DISC1: variants seen among roughly 807,000 people sequenced by gnomAD.
DISC1 encodes DISC1 scaffold protein.
Under a neutral mutation model 84.5 loss-of-function variants are expected in DISC1, and 57 were observed. That is an observed-to-expected ratio of 0.67 (90% CI 0.55 to 0.84). The LOEUF (loss-of-function observed/expected upper bound fraction) is 0.84, where lower values mean the gene tolerates loss of function less well. Among genes scored for constraint, DISC1 ranks in the 40% least tolerant of loss-of-function variants. The pLI is 0.00. For synonymous variants in DISC1, 411 were observed against 415.2 expected (o/e 0.99, Z 0.12); for missense variants, 1,000 against 1,057.8 (o/e 0.95, Z 0.76).
chr1:231,965,797 C>T (rs1661023416), intron 10 of DISC1, among the ~76,000 whole-genome samples: 1 of 152,244 alleles, frequency 6.6e-6, no homozygotes, highest in South Asian at 2.1e-4. Context: ...CCTGTGCTCA[C>T]ACTCATCCTT....
chr1:231,795,744 C>T (rs970111443), intron 7 of DISC1, among the ~76,000 whole-genome samples: 5 of 152,078 alleles, frequency 3.3e-5, no homozygotes, highest in African/African-American at 1.2e-4. Context: ...CAAAAATTAG[C>T]TGGGTGTGGT....
At chr1:231,837,858 T>C (rs1419995796) in intron 9 of DISC1, among the ~76,000 whole-genome samples, 1 of 152,204 alleles carries the variant, frequency 6.6e-6, no homozygotes, top group African/African-American at 2.4e-5. Context: ...AAAAAAATAG[T>C]TCCTAATCTG....
intron 9 of DISC1, among the ~76,000 whole-genome samples, chr1:231,946,950 TAA>T: frequency 6.6e-6 from 1 of 152,148 alleles, no homozygotes; most frequent in Non-Finnish European, 1.5e-5. Flanking sequence ...CTCAAGGAAA[TAA>T]GAGAGGACCA....
intron 3 of DISC1, among the ~76,000 whole-genome samples, chr1:231,746,672 AC>A: frequency 6.6e-6 from 1 of 152,258 alleles, no homozygotes; most frequent in Admixed American, 6.5e-5. Context: ...GTGAGATGAT[AC>A]CTCATTGTGA....
At chr1:231,937,949 T>A (rs2091083774) in intron 9 of DISC1, among the ~76,000 whole-genome samples, 1 of 152,098 alleles carries the variant, frequency 6.6e-6, no homozygotes. Context: ...TCATTCTTCA[T>A]TGGCTTCTAT....
rs74143894 is a variant in DISC1 at position 231,630,481 on chromosome 1, G to C, written c.67+3547G>C. ...CCAGAATCATTCTTTTGATAATAAT[G>C]ATGGTAATTGAGTTTATATGCTGTG... On this transcript the variant is annotated intron_variant, in intron 1 of 12. Coordinates refer to ENST00000439617, the MANE Select transcript of DISC1 (RefSeq NM_018662.3). This position sits in a 1 kb window ranked among gnomAD's most constrained non-coding sequence, Gnocchi z 4.4. 5.0e-3 allele frequency among the ~76,000 whole-genome samples: 757 copies of C among 152,102 alleles called. 13 individuals carry two copies. The highest frequency in any genetic ancestry group is 0.016 in the African/African-American group (672 of 41,462).
rs563358627 is a variant in DISC1 at position 231,920,018 on chromosome 1, A to AG, written c.1982-38805dup. Among the ~76,000 whole-genome samples the AG allele has an allele frequency of 3.9e-5, 6 of 152,250 alleles. No individual in the cohort carries two copies. In the East Asian group the frequency reaches 1.2e-3, roughly 29 times the overall value. On this transcript the variant is annotated intron_variant, in intron 9 of 12. Transcript: ENST00000439617. ...TTTAGACCAGACACCTCTTTGCTGTAGGGGGTGTCCCGCGCATCGTAAGAG... is the reference window on the plus strand; with the variant it reads ...TTTAGACCAGACACCTCTTTGCTGTAGGGGGGTGTCCCGCGCATCGTAAGAG...
intron 9 of DISC1, among the ~76,000 whole-genome samples, chr1:231,907,109 T>TCCCTCCCTA (rs1402708557): frequency 2.1e-5 from 1 of 47,334 alleles, no homozygotes; most frequent in African/African-American, 8.1e-5. Context: ...CTTCCTTCTC[T>TCCCTCCCTA]CCTTCCTTCC....
chr1:231,865,572 C>A (rs775070953), intron 9 of DISC1, among the ~76,000 whole-genome samples: 3 of 152,212 alleles, frequency 2.0e-5, no homozygotes, highest in Non-Finnish European at 4.4e-5. Context: ...ATTTCCTTGG[C>A]AATATTGGCC....
At chr1:231,797,868 G>T (rs2078880721) in intron 7 of DISC1, among the ~76,000 whole-genome samples, 1 of 151,982 alleles carries the variant, frequency 6.6e-6, no homozygotes, top group South Asian at 2.1e-4. Flanking sequence ...AAATAAAAAG[G>T]ATACACAGGT....
At chr1:232,002,309 G>C (rs904119092) in intron 10 of DISC1, among the ~76,000 whole-genome samples, 1 of 152,142 alleles carries the variant, frequency 6.6e-6, no homozygotes, top group Non-Finnish European at 1.5e-5. Context: ...CTGAAAAACA[G>C]TTTGGCAGTT....
intron 12 of DISC1, among the ~76,000 whole-genome samples, chr1:232,028,122 A>T (rs191919912): frequency 1.1e-4 from 17 of 152,320 alleles, no homozygotes; most frequent in African/African-American, 4.1e-4. Flanking sequence ...ACATAGAATA[A>T]GGATGGCGTT....
chr1:231,711,616 C>A lies in DISC1; in HGVS notation c.1117+9592C>A, dbSNP rs546555477. Among the ~76,000 whole-genome samples, 371 of 151,984 alleles carry A rather than the reference C, an allele frequency of 2.4e-3. 4 individuals are homozygous for A. Among genetic ancestry groups the A allele is most frequent in the African/African-American group, 8.7e-3 (362 of 41,470 alleles). ...ATCTCCTGACCTCGTGATCCACCGA[C>A]CTTGGCTTCCCAAAGTGCTGAGATT... On this transcript the variant is annotated intron_variant, in intron 3 of 12. Coordinates refer to ENST00000439617, the MANE Select transcript of DISC1 (RefSeq NM_018662.3).
At chr1:232,025,542 A>G (rs546979581) in intron 11 of DISC1, among the ~76,000 whole-genome samples, 115 of 152,208 alleles carry the variant, frequency 7.6e-4, no homozygotes, top group Non-Finnish European at 1.3e-3. Flanking sequence ...GTCATGTGCC[A>G]GATACTATGC....
chr1:231,667,770 C>A (rs193211941), intron 1 of DISC1, among the ~76,000 whole-genome samples: 2 of 152,206 alleles, frequency 1.3e-5, no homozygotes, highest in Admixed American at 6.5e-5. Flanking sequence ...AATGAAAGTG[C>A]TTTGTAACTT....
At chr1:231,929,392 A>G (rs1479468929) in intron 9 of DISC1, among the ~76,000 whole-genome samples, 2 of 152,196 alleles carry the variant, frequency 1.3e-5, no homozygotes, top group East Asian at 3.8e-4. Flanking sequence ...CTTGTTCACA[A>G]TACACAATCT....
chr1:231,902,501 T>G lies in DISC1; in HGVS notation c.1982-56327T>G, dbSNP rs1479057202. ...TTGTAGTTCCAGCTACTCGGGAGGC[T>G]GAGGCAGGAGAATCACTTGAACCCA... On this transcript the variant is annotated intron_variant, in intron 9 of 12. Transcript: ENST00000439617. Among the ~76,000 whole-genome samples, 3 of 152,014 alleles carry G rather than the reference T, an allele frequency of 2.0e-5. No individual in the cohort carries two copies. The East Asian group carries it at 5.8e-4, about 29-fold the overall frequency.
chr1:231,631,618 TA>T lies in DISC1; in HGVS notation c.67+4691del, dbSNP rs528491623. 2.5e-4 allele frequency among the ~76,000 whole-genome samples: 38 copies of T among 151,714 alleles called. No individual in the cohort carries two copies. The East Asian group carries it at 6.2e-3, about 25-fold the overall frequency. ...AGTTTTTAACAAAAAGTTTGAAAAG[TA>T]AAAAAATAAAAATTAAAAATAGGAG... is the stretch of plus-strand genomic sequence containing the variant. On this transcript the variant is annotated intron_variant, in intron 1 of 12. Transcript: ENST00000439617.
intron 10 of DISC1, among the ~76,000 whole-genome samples, chr1:231,968,619 A>G (rs1315731386): frequency 6.6e-6 from 1 of 151,638 alleles, no homozygotes; most frequent in Non-Finnish European, 1.5e-5. Flanking sequence ...AGCAAAAACA[A>G]AAACAAAAAG....
Sources: gnomAD v4.1 joint callset for allele counts (sites outside exome capture counted in the v4.1 genomes callset) on GRCh38, gnomAD v4.1.1 for gene constraint, Gnocchi (gnomAD v3.1) non-coding constraint, MANE v1.5 for transcripts, NCBI Gene and HGNC (gene_info 2026-07-23, HGNC 2026-07-21) for gene names.